The following ABCA12 variants were observed in gnomAD, a reference collection of about 807,000 sequenced individuals.
The protein encoded by ABCA12 is ATP binding cassette subfamily A member 12.
ABCA12 carries 156 observed loss-of-function variants against 293.5 expected under a neutral mutation model. The observed-to-expected ratio is 0.53, with a 90% CI of 0.47 to 0.61. The LOEUF (loss-of-function observed/expected upper bound fraction) is 0.61, where lower values mean the gene tolerates loss of function less well. Among genes scored for constraint, ABCA12 ranks in the 20% least tolerant of loss-of-function variants. The pLI is 0.00. For synonymous variants in ABCA12, 1,063 were observed against 1,108.0 expected (o/e 0.96, Z 0.81); for missense variants, 2,797 against 3,090.2 (o/e 0.91, Z 2.25).
At chr2:215,132,370 A>G (rs1703078399) in intron 1 of ABCA12, among the ~76,000 whole-genome samples, 1 of 151,970 alleles carries the variant, frequency 6.6e-6, no homozygotes, top group Non-Finnish European at 1.5e-5. Context: ...ATTGCTATTA[A>G]TCTGTTTTCC....
At chr2:215,047,419 T>A (rs1302808434) in intron 6 of ABCA12, among the ~76,000 whole-genome samples, 2 of 152,182 alleles carry the variant, frequency 1.3e-5, no homozygotes, top group Non-Finnish European at 2.9e-5. Flanking sequence ...AGCATGGTAC[T>A]GGTACAAAAA....
chr2:214,951,155 G>A (rs1698754145), intron 44 of ABCA12, 72 bp from the exon 45 acceptor site: 1 of 1,324,430 alleles, frequency 7.6e-7, no homozygotes, highest in Admixed American at 1.7e-5. Flanking sequence ...ATGTTTTGAT[G>A]GGTTTTCATG....
In ABCA12 at chr2:215,052,685, C is replaced by A. The variant is rs1196914714; in HGVS notation, c.410-101G>T. Reference sequence around the variant, plus strand: ...AACATCACTTGTGACCTCATATACCCTACAGCAAGGATGTGCTCAAACATG... The same window carrying A: ...AACATCACTTGTGACCTCATATACCATACAGCAAGGATGTGCTCAAACATG... On this transcript the variant is annotated intron_variant, in intron 4 of 52. Transcript: ENST00000272895. 6 of 998,392 alleles carry A rather than the reference C, an allele frequency of 6.0e-6. No individual in the cohort carries two copies. In the Admixed American group the frequency reaches 1.1e-4, roughly 18 times the overall value. 61.8% of individuals were successfully genotyped at this position (998,392 alleles called of 1,614,324 possible).
chr2:215,054,981 A>G (rs1279306569), intron 3 of ABCA12, among the ~76,000 whole-genome samples: 1 of 152,086 alleles, frequency 6.6e-6, no homozygotes, highest in Non-Finnish European at 1.5e-5. Context: ...TTTTCTTTTA[A>G]AAAGTTGATA....
At chr2:215,092,537 T>C (rs1702169346) in intron 2 of ABCA12, among the ~76,000 whole-genome samples, 3 of 151,992 alleles carry the variant, frequency 2.0e-5, no homozygotes, top group African/African-American at 7.3e-5. Context: ...TACTATCCCA[T>C]TGAAACCTAA....
chr2:214,941,935 T>C (rs1178247253), intron 50 of ABCA12, among the ~76,000 whole-genome samples: 1 of 152,230 alleles, frequency 6.6e-6, no homozygotes, highest in East Asian at 1.9e-4. Flanking sequence ...GTCTTTTAAC[T>C]GGGGCATTTA....
intron 6 of ABCA12, among the ~76,000 whole-genome samples, chr2:215,048,804 T>C (rs1250072525): frequency 6.6e-6 from 1 of 152,136 alleles, no homozygotes; most frequent in African/African-American, 2.4e-5. Flanking sequence ...ACATATACAC[T>C]GCGGAATACT....
chr2:215,088,629 G>A (rs1274777013), intron 2 of ABCA12, among the ~76,000 whole-genome samples: 2 of 152,138 alleles, frequency 1.3e-5, no homozygotes, highest in Non-Finnish European at 2.9e-5. Flanking sequence ...GAGTTGATGG[G>A]AAGACTGGAA....
chr2:215,111,089 A>T (rs574457945), intron 2 of ABCA12, among the ~76,000 whole-genome samples: 1 of 152,364 alleles, frequency 6.6e-6, no homozygotes, highest in South Asian at 2.1e-4. Flanking sequence ...CAATTACTAA[A>T]TGTAACTGAA....
At chr2:215,047,298 T>A (rs1472826301) in intron 6 of ABCA12, among the ~76,000 whole-genome samples, 1 of 152,196 alleles carries the variant, frequency 6.6e-6, no homozygotes, top group East Asian at 1.9e-4. Context: ...TTGCTTCTAA[T>A]GTATAATATT....
At chr2:215,033,658 C>T (rs2103090) in intron 8 of ABCA12, among the ~76,000 whole-genome samples, 146,242 of 152,296 alleles carry the variant, frequency 0.96, 70,488 homozygotes, top group East Asian at 1. Context: ...ATTGTATTCA[C>T]AGGCCGGGCA....
intron 7 of ABCA12, 60 bp downstream of exon 7, chr2:215,045,777 A>AT: frequency 4.7e-6 from 7 of 1,497,820 alleles, no homozygotes; most frequent in Non-Finnish European, 6.5e-6. Context: ...CACAGGTAAC[A>AT]TTTTTTTAAA....
Position 215,049,736 on chromosome 2 carries a change from C to A in ABCA12, c.583G>T (p.Asp195Tyr). 6.2e-7 allele frequency: 1 copy of A among 1,613,674 alleles called. No homozygotes were observed. Among genetic ancestry groups the A allele is most frequent in the Non-Finnish European group, 8.5e-7 (1 of 1,179,762 alleles). ...CCTAGAAAGGTCCAAGAGAAGGCAT[C>A]ATCCACAATGTATCCTGAATAGCTG... Reference protein sequence around the residue: ...CDSYSGYIVDDAFSWTFLGRN... With the variant: ...CDSYSGYIVDYAFSWTFLGRN... Residue 195 changes from aspartate to tyrosine, a missense_variant, in exon 6 of 53, where the codon GAT becomes TAT. Physicochemically the swap from Asp to Tyr is radical, Grantham distance 160. Around this residue, in one of 3 missense-constraint regions of ABCA12, gnomAD observed 656 missense variants for 638.2 expected, o/e 1.03. Coordinates refer to ENST00000272895, the MANE Select transcript of ABCA12 (RefSeq NM_173076.3).
intron 14 of ABCA12, 132 bp downstream of exon 14, chr2:215,017,876 T>C: frequency 7.7e-7 from 1 of 1,300,510 alleles, no homozygotes; most frequent in South Asian, 1.3e-5. Flanking sequence ...CCTCCAGGTT[T>C]ATCACTTGCA....
intron 6 of ABCA12, among the ~76,000 whole-genome samples, chr2:215,049,173 T>C (rs571821864): frequency 1.3e-5 from 2 of 152,080 alleles, no homozygotes; most frequent in Admixed American, 1.3e-4. Flanking sequence ...TTTTTGAAAA[T>C]TCACAATTAA....
At chr2:214,943,694 A>T (rs1219414542) in intron 49 of ABCA12, among the ~76,000 whole-genome samples, 1 of 152,074 alleles carries the variant, frequency 6.6e-6, no homozygotes, top group Non-Finnish European at 1.5e-5. Flanking sequence ...TATGCTACGT[A>T]CCCCATATTC....
chr2:215,057,660 T>A (rs1425749552), intron 3 of ABCA12, among the ~76,000 whole-genome samples: 1 of 152,036 alleles, frequency 6.6e-6, no homozygotes, highest in African/African-American at 2.4e-5. Context: ...TTTTAGAGTG[T>A]AAGGTTCTTA....
chr2:215,089,642 A>T (rs1702102167), intron 2 of ABCA12, among the ~76,000 whole-genome samples: 1 of 152,240 alleles, frequency 6.6e-6, no homozygotes, highest in Admixed American at 6.5e-5. Context: ...TTTAGGACTA[A>T]CTTAGCATTC....
intron 2 of ABCA12, among the ~76,000 whole-genome samples, chr2:215,104,861 T>C (rs914743112): frequency 1.1e-4 from 17 of 152,200 alleles, no homozygotes; most frequent in African/African-American, 4.1e-4. Flanking sequence ...GGCTTTATAT[T>C]CATTTTCTTT....
Sources: gnomAD v4.1 joint callset for allele counts (sites outside exome capture counted in the v4.1 genomes callset) on GRCh38, gnomAD v4.1.1 for gene constraint, gnomAD v4.1.1 regional missense constraint, MANE v1.5 for transcripts, NCBI Gene and HGNC (gene_info 2026-07-23, HGNC 2026-07-21) for gene names.